The following MYO5B variants were observed in gnomAD, a reference collection of about 807,000 sequenced individuals.
MYO5B encodes myosin VB.
In MYO5B, 143 loss-of-function variants were observed where a neutral mutation model predicts 229.3. The observed-to-expected ratio is 0.62, with a 90% CI of 0.54 to 0.72. The LOEUF is 0.72. Ranked by LOEUF, MYO5B falls within the 30% of genes least tolerant of loss-of-function variation. MYO5B has a pLI of 0.00. For missense variants in MYO5B, 2,321 were observed against 2,331.0 expected (o/e 1.00, Z 0.09); for synonymous variants, 918 against 885.2 (o/e 1.04, Z -0.66).
chr18:49,862,554 T>A (rs1391832769), intron 29 of MYO5B, among the ~76,000 whole-genome samples: 1 of 152,234 alleles, frequency 6.6e-6, no homozygotes, highest in Non-Finnish European at 1.5e-5. Flanking sequence ...GAGTGGACTC[T>A]GCAGTGCACC....
intron 2 of MYO5B, among the ~76,000 whole-genome samples, chr18:50,053,141 C>T (rs1480478690): frequency 6.6e-6 from 1 of 152,182 alleles, no homozygotes; most frequent in Admixed American, 6.5e-5. Flanking sequence ...TGCCAAGTCA[C>T]TCATAATGAT....
chr18:50,019,590 G>T (rs758419974), intron 4 of MYO5B, among the ~76,000 whole-genome samples: 7 of 152,216 alleles, frequency 4.6e-5, no homozygotes, highest in Non-Finnish European at 8.8e-5. Flanking sequence ...TCTTGGCCAA[G>T]GCCATGAGGA....
intron 32 of MYO5B, among the ~76,000 whole-genome samples, chr18:49,847,749 G>A (rs1261404169): frequency 6.6e-6 from 1 of 152,240 alleles, no homozygotes; most frequent in Non-Finnish European, 1.5e-5. Context: ...CCCTGTGTGT[G>A]GCCACAACGT....
chr18:50,097,734 T>C (rs2031579461), intron 1 of MYO5B: 1 of 153,338 alleles, frequency 6.5e-6, no homozygotes, highest in South Asian at 2.0e-4. Flanking sequence ...GATGGTAAAC[T>C]TCTGTTGCAA....
chr18:50,136,928 G>A (rs1210482355), intron 1 of MYO5B, among the ~76,000 whole-genome samples: 1 of 152,106 alleles, frequency 6.6e-6, no homozygotes, highest in Non-Finnish European at 1.5e-5. Flanking sequence ...AATATCTATA[G>A]GCCCTGTTAT....
intron 31 of MYO5B, chr18:49,850,029 G>T (rs11876375): frequency 8.4e-6 from 3 of 357,300 alleles, no homozygotes; most frequent in Non-Finnish European, 1.6e-5. Flanking sequence ...GCCCTGGGAA[G>T]GAACGGACAG....
intron 26 of MYO5B, among the ~76,000 whole-genome samples, chr18:49,874,276 C>T (rs2024491272): frequency 6.6e-6 from 1 of 152,170 alleles, no homozygotes; most frequent in Non-Finnish European, 1.5e-5. Flanking sequence ...GTTCTAAAGC[C>T]AAGATTCCAA....
At chr18:49,932,659 T>C (rs906020531) in intron 16 of MYO5B, among the ~76,000 whole-genome samples, 1 of 152,132 alleles carries the variant, frequency 6.6e-6, no homozygotes, top group Non-Finnish European at 1.5e-5. Flanking sequence ...GTAATGACTA[T>C]GTTACAAAAA....
intron 1 of MYO5B, among the ~76,000 whole-genome samples, chr18:50,191,809 A>T (rs1291304335): frequency 6.6e-6 from 1 of 152,204 alleles, no homozygotes; most frequent in Non-Finnish European, 1.5e-5. Flanking sequence ...TGGGATCTAG[A>T]ACAGGGTCTA....
chr18:49,931,685 C>A (rs1029849390), intron 16 of MYO5B, among the ~76,000 whole-genome samples: 1 of 152,152 alleles, frequency 6.6e-6, no homozygotes, highest in African/African-American at 2.4e-5. Context: ...TTACCAGGGG[C>A]GGCAATGACC....
chr18:50,169,535 G>A lies in MYO5B; in HGVS notation c.27+25232C>T, dbSNP rs1474527936. ...GAAAAAGACATGGCCCAAGTGGAGA[G>A]CCTCTCTACAGTGACTGGCTGTAAT... On this transcript the variant is annotated intron_variant, in intron 1 of 39. Transcript: ENST00000285039. Among the ~76,000 whole-genome samples, 3 of 125,700 alleles carry A rather than the reference G, an allele frequency of 2.4e-5. 1 individual carries two copies. The highest frequency in any genetic ancestry group is 9.0e-5 in the African/African-American group (3 of 33,154). The allele number at this position is 125,700 out of a possible 152,430, so 82.5% of individuals were successfully genotyped here.
At chr18:49,850,484 A>G (rs518833) in intron 31 of MYO5B, 67,052 of 152,082 alleles carry the variant, frequency 0.44, 15,343 homozygotes, top group Middle Eastern at 0.55. Flanking sequence ...TGTTGTTAGG[A>G]ACTTTATTCA....
chr18:50,091,198 T>C (rs1482208483), intron 1 of MYO5B, among the ~76,000 whole-genome samples: 1 of 152,158 alleles, frequency 6.6e-6, no homozygotes, highest in East Asian at 1.9e-4. Context: ...TCTACTATCA[T>C]TCAGACGCAC....
chr18:49,877,916 G>C (rs1434551866), intron 24 of MYO5B, 34 bp from the exon 25 acceptor site: 1 of 1,613,368 alleles, frequency 6.2e-7, no homozygotes, highest in Admixed American at 1.7e-5. Context: ...AGCTCATTAG[G>C]AACTAATGTT....
In MYO5B at chr18:49,833,314, GCAATGGT is replaced by G. The variant is rs528424528; in HGVS notation, c.5394+2023_5394+2029del. On this transcript the variant is annotated intron_variant, in intron 39 of 39. Coordinates refer to ENST00000285039, the MANE Select transcript of MYO5B (RefSeq NM_001080467.3). The stretch of plus-strand genomic sequence containing the variant: ...GCTATAAAAAGCCCAGAGCGCCCAA[GCAATGGT>G]TTGCTTTAACAAGTAACTTGTCTTT... 2.0e-4 allele frequency among the ~76,000 whole-genome samples: 31 copies of G among 152,320 alleles called. No individual in the cohort carries two copies. In the South Asian group the frequency reaches 6.4e-3, roughly 32 times the overall value.
chr18:49,877,612 G>T, intron 25 of MYO5B, 151 bp downstream of exon 25: 2 of 988,904 alleles, frequency 2.0e-6, no homozygotes, highest in Non-Finnish European at 3.1e-6. Flanking sequence ...TAAATCCACT[G>T]TAGTCCAAGT....
At chr18:49,982,112 C>T (rs549974866) in intron 8 of MYO5B, among the ~76,000 whole-genome samples, 1 of 152,324 alleles carries the variant, frequency 6.6e-6, no homozygotes, top group Non-Finnish European at 1.5e-5. Context: ...GGGTCTTGCT[C>T]TGTTGCTCAG....
At chr18:50,119,010 C>T (rs896588624) in intron 1 of MYO5B, among the ~76,000 whole-genome samples, 3 of 152,142 alleles carry the variant, frequency 2.0e-5, no homozygotes, top group African/African-American at 7.2e-5. Flanking sequence ...TTGTCTCTAC[C>T]TATAAGATGT....
At chr18:49,906,657 T>C (rs369559160) in intron 18 of MYO5B, 27 bp from the exon 19 acceptor site, 17 of 1,593,040 alleles carry the variant, frequency 1.1e-5, no homozygotes, top group Admixed American at 3.3e-5. Context: ...GGGGATCTGG[T>C]TGGTCACCAG....
Sources: allele counts gnomAD v4.1 joint callset (sites outside exome capture counted in the v4.1 genomes callset), GRCh38; gene constraint gnomAD v4.1.1; transcripts MANE v1.5; gene names NCBI Gene and HGNC (gene_info 2026-07-23, HGNC 2026-07-21).